Variants in CROCC observed in about 807,000 individuals in gnomAD.
CROCC encodes ciliary rootlet coiled-coil, rootletin.
CROCC carries 180 observed loss-of-function variants against 245.2 expected under a neutral mutation model. The observed-to-expected ratio is 0.73, with a 90% CI of 0.65 to 0.83. CROCC has a LOEUF of 0.83. Ranked by LOEUF, CROCC falls within the 40% of genes least tolerant of loss-of-function variation. CROCC has a pLI of 0.00. For synonymous variants in CROCC, 1,205 were observed against 1,241.6 expected (o/e 0.97, Z 0.62); for missense variants, 2,688 against 2,779.4 (o/e 0.97, Z 0.74).
At chr1:16,959,029 G>T (rs530419305) in intron 26 of CROCC, among the ~76,000 whole-genome samples, 3 of 152,102 alleles carry the variant, frequency 2.0e-5, no homozygotes, top group Non-Finnish European at 2.9e-5. Context: ...TTTTTATTTA[G>T]TTATTTATTT....
intron 24 of CROCC, 72 bp from the exon 25 acceptor site, chr1:16,955,925 G>A: frequency 6.6e-7 from 1 of 1,524,494 alleles, no homozygotes; most frequent in African/African-American, 1.4e-5. Context: ...GAAATTGGAG[G>A]AGACGGCTTT....
Position 16,922,805 on chromosome 1 carries a change from C to A in CROCC, c.196+7C>A. 3.1e-6 allele frequency: 5 copies of A among 1,609,688 alleles called. No individual in the cohort carries two copies. The highest frequency in any genetic ancestry group is 4.2e-6 in the Non-Finnish European group (5 of 1,178,588). ...TCCCAGCCTGAGAGCCCAGGTGCCA[C>A]CCCCATCCGCTCCCCTCCACAAACA... On this transcript the variant is annotated splice_region_variant and intron_variant, in intron 2 of 36. Transcript: ENST00000375541.
Position 16,968,359 on chromosome 1 carries a change from A to G in CROCC, c.5017A>G (p.Ser1673Gly). 5.8e-6 allele frequency: 9 copies of G among 1,539,424 alleles called. No individual in the cohort carries two copies. The highest frequency in any genetic ancestry group is 6.1e-6 in the Non-Finnish European group (7 of 1,141,776). Reference sequence around the variant, plus strand: ...GCTGCAGCGCAGCCGCCTGGGCCTCAGTGACCGCGAGGCCCAAGCCCAGGC... The same window carrying G: ...GCTGCAGCGCAGCCGCCTGGGCCTCGGTGACCGCGAGGCCCAAGCCCAGGC... ...GELQRSRLGL[S>G]DREAQAQALQ... is the part of the protein sequence containing the mutation. The change falls in exon 31 of 37, where the codon AGT becomes GGT. Residue 1673 changes from serine (S) to glycine (G), a missense_variant. Around this residue, in one of 9 missense-constraint regions of CROCC, gnomAD observed 1,218 missense variants for 1,286.3 expected, o/e 0.95. Coordinates refer to ENST00000375541, the MANE Select transcript of CROCC (RefSeq NM_014675.5).
intron 28 of CROCC, 26 bp downstream of exon 28, chr1:16,965,918 T>C (rs1199728721): frequency 6.2e-7 from 1 of 1,605,974 alleles, no homozygotes; most frequent in Non-Finnish European, 8.5e-7. Flanking sequence ...CATGGCTGGA[T>C]GGGGAACCTG....
Position 16,972,703 on chromosome 1 carries a change from A to G in CROCC, c.*257A>G. The G allele has an allele frequency of 3.1e-6, 1 of 324,974 alleles. No individual in the cohort carries two copies. Among genetic ancestry groups the G allele is most frequent in the Non-Finnish European group, 5.6e-6 (1 of 177,810 alleles). The allele number at this position is 324,974 out of a possible 1,614,324, so 20.1% of individuals were successfully genotyped here. A position where few individuals can be genotyped will look rare whatever the true frequency, so the allele number is the denominator to read the frequency against. On this transcript the variant is annotated 3_prime_UTR_variant, in exon 37 of 37. Transcript: ENST00000375541. ...ATTAAAGTTCCTCCTTGAGAGGCTG[A>G]GCCGTAGCCAGGATTGGGGAGAGCC...
At chr1:16,938,556 G>T in intron 11 of CROCC, 73 bp downstream of exon 11, 1 of 1,380,878 alleles carries the variant, frequency 7.2e-7, no homozygotes, top group South Asian at 1.3e-5. Context: ...GTCTTTCGGT[G>T]ACCTGGGACT....
upstream of CROCC, chr1:16,921,886 A>G: frequency 2.1e-6 from 2 of 935,688 alleles, no homozygotes; most frequent in Non-Finnish European, 3.3e-6. Flanking sequence ...CGGTGGTCAC[A>G]TGGGGGCGCC....
rs369883961 is a variant in CROCC, at chr1:16,969,788, C to T, written c.5305C>T (p.Arg1769Trp). The change falls in exon 33 of 37, where the codon CGG (arginine) becomes TGG (tryptophan). Residue 1769 changes from arginine (R) to tryptophan (W), a missense_variant. Arg to Trp is a moderately radical substitution (Grantham distance 101). Around this residue, in one of 9 missense-constraint regions of CROCC, gnomAD observed 1,218 missense variants for 1,286.3 expected, o/e 0.95. Coordinates refer to ENST00000375541, the MANE Select transcript of CROCC (RefSeq NM_014675.5). ...CEHDRQVLQE[R>W]LDAARQALSE... Reference sequence around the variant, plus strand: ...ACCATCAGCCCCTGTCCCCCAGGAACGGCTGGATGCCGCCCGGCAGGCATT... The same window carrying T: ...ACCATCAGCCCCTGTCCCCCAGGAATGGCTGGATGCCGCCCGGCAGGCATT... 5.8e-5 allele frequency: 93 copies of T among 1,612,166 alleles called. No homozygotes were observed. Among genetic ancestry groups the T allele is most frequent in the Non-Finnish European group, 6.9e-5 (81 of 1,179,294 alleles).
chr1:16,970,227 C>T lies in CROCC; in HGVS notation c.5452-26C>T, dbSNP rs74058345. On this transcript the variant is annotated intron_variant, in intron 33 of 36. Coordinates refer to ENST00000375541, the MANE Select transcript of CROCC (RefSeq NM_014675.5). Reference sequence around the variant, plus strand: ...AAGTATGCTCAGGCCCAGAGGGATTCGGGGCCTGCCTGGCTTCTGTTGCAG... The same window carrying T: ...AAGTATGCTCAGGCCCAGAGGGATTTGGGGCCTGCCTGGCTTCTGTTGCAG... The T allele has an allele frequency of 7.1e-3, 10,804 of 1,523,550 alleles. 618 individuals are homozygous for T. The African/African-American group carries it at 0.12, about 17-fold the overall frequency. The allele number at this position is 1,523,550 out of a possible 1,614,324, so 94.4% of individuals were successfully genotyped here. A position where few individuals can be genotyped will look rare whatever the true frequency, so the allele number is the denominator to read the frequency against.
Position 16,960,911 on chromosome 1 carries a change from G to C in CROCC, c.4186G>C (p.Ala1396Pro). Reference protein sequence around the residue: ...GLELKLEAARAEAAELGLRLS... With the variant: ...GLELKLEAARPEAAELGLRLS... ...GGAGCTGAAGCTGGAGGCGGCGCGG[G>C]CCGAGGCTGCAGAGCTGGGCCTGCG... Residue 1396 changes from alanine (A) to proline (P), a missense_variant, in exon 27 of 37, where the codon GCC becomes CCC. Around this residue, in one of 9 missense-constraint regions of CROCC, gnomAD observed 1,218 missense variants for 1,286.3 expected, o/e 0.95. Coordinates refer to ENST00000375541, the MANE Select transcript of CROCC (RefSeq NM_014675.5). The C allele has an allele frequency of 6.6e-7, 1 of 1,504,744 alleles. No individual in the cohort carries two copies. Among genetic ancestry groups the C allele is most frequent in the South Asian group, 1.2e-5 (1 of 80,318 alleles). 93.2% of individuals were successfully genotyped at this position (1,504,744 alleles called of 1,614,324 possible).
intron 26 of CROCC, among the ~76,000 whole-genome samples, chr1:16,958,971 C>T (rs929560534): frequency 6.6e-6 from 1 of 152,138 alleles, no homozygotes; most frequent in African/African-American, 2.4e-5. Flanking sequence ...GTAGATACAA[C>T]CTTGTTTGAT....
At chr1:16,964,290 C>T (rs569330324) in intron 27 of CROCC, among the ~76,000 whole-genome samples, 43 of 151,888 alleles carry the variant, frequency 2.8e-4, no homozygotes, top group African/African-American at 9.7e-4. Context: ...GGACTATAAG[C>T]GTGGGCCACC....
intron 1 of CROCC, among the ~76,000 whole-genome samples, chr1:16,915,814 C>T (rs1453735215): frequency 3.9e-5 from 6 of 152,218 alleles, no homozygotes; most frequent in Non-Finnish European, 5.9e-5. Context: ...GGGGGAAGTG[C>T]GTCCCAGGCA....
chr1:16,933,461 T>C (rs1420846886), intron 8 of CROCC, among the ~76,000 whole-genome samples: 2 of 152,254 alleles, frequency 1.3e-5, no homozygotes, highest in African/African-American at 2.4e-5. Context: ...AGTGAAACTC[T>C]GTCTCGAAAA....
rs1219821817 is a variant in CROCC, at chr1:16,922,696, G to T, written c.94G>T (p.Gly32Cys). The change falls in exon 2 of 37, where the codon GGC becomes TGC. Residue 32 changes from glycine (G) to cysteine (C), a missense_variant. By Grantham distance (159) the Gly-to-Cys change is radical. Around this residue, in one of 9 missense-constraint regions of CROCC, gnomAD observed 972 missense variants for 895.3 expected, o/e 1.09. Coordinates refer to ENST00000375541, the MANE Select transcript of CROCC (RefSeq NM_014675.5). ...GAGCAGCGTCCTGTGCCAGGAGAAA[G>T]GCTTGGGCGCGCGGGACCTGGCCCA... Reference protein sequence around the residue: ...LESSVLCQEKGLGARDLAQDA... With the variant: ...LESSVLCQEKCLGARDLAQDA... 2.5e-6 allele frequency: 4 copies of T among 1,613,418 alleles called. No homozygotes were observed. The highest frequency in any genetic ancestry group is 2.7e-5 in the African/African-American group (2 of 74,938).
At chr1:16,959,892 C>T (rs2076301770) in intron 26 of CROCC, among the ~76,000 whole-genome samples, 1 of 151,922 alleles carries the variant, frequency 6.6e-6, no homozygotes, top group Non-Finnish European at 1.5e-5. Context: ...CCCCGCCTTT[C>T]CCCCACCCCC....
intron 3 of CROCC, among the ~76,000 whole-genome samples, chr1:16,927,085 C>T (rs1319868879): frequency 6.6e-6 from 1 of 152,220 alleles, no homozygotes; most frequent in Admixed American, 6.5e-5. Context: ...GTGTACACGA[C>T]ATGGGCTACA....
At position 16,930,496 on chromosome 1, in the gene CROCC, C is replaced by A; in HGVS notation, c.751C>A (p.Gln251Lys). 6.2e-7 allele frequency: 1 copy of A among 1,612,448 alleles called. No homozygotes were observed. Among genetic ancestry groups the A allele is most frequent in the Non-Finnish European group, 8.5e-7 (1 of 1,179,852 alleles). The change falls in exon 7 of 37, where the codon CAG becomes AAG. Residue 251 changes from glutamine (Q) to lysine (K), a missense_variant. Coordinates refer to ENST00000375541, the MANE Select transcript of CROCC (RefSeq NM_014675.5). The part of the protein sequence containing the change: ...EQLDQAGSAN[Q>K]ALSEDIRKVT... ...GCTGGACCAGGCAGGCTCGGCCAAC[C>A]AGGCTCTGAGTGAGGACATACGAAA... is the stretch of plus-strand genomic sequence containing the variant.
intron 33 of CROCC, 106 bp from the exon 34 acceptor site, chr1:16,970,147 C>A: frequency 7.9e-7 from 1 of 1,265,108 alleles, no homozygotes; most frequent in Non-Finnish European, 1.1e-6. Flanking sequence ...TGATGTGGGC[C>A]TCACCGTCGC....
Sources: allele counts gnomAD v4.1 joint callset (sites outside exome capture counted in the v4.1 genomes callset), GRCh38; gene constraint gnomAD v4.1.1; regional missense constraint gnomAD v4.1.1; transcripts MANE v1.5; gene names NCBI Gene and HGNC (gene_info 2026-07-23, HGNC 2026-07-21).